Variants in ZNF600 observed in about 807,000 individuals in gnomAD.
ZNF600 encodes the protein zinc finger protein KR-ZNF1.
Under a neutral mutation model 7.3 loss-of-function variants are expected in ZNF600, and 4 were observed. The observed-to-expected ratio is 0.55, with a 90% CI of 0.27 to 1.25. The LOEUF is 1.25. ZNF600 is among the 50% of genes most tolerant of loss of function. The pLI, the probability that ZNF600 is intolerant of heterozygous loss-of-function variation, is 0.12. For missense variants in ZNF600, 911 were observed against 922.1 expected, an observed-to-expected ratio of 0.99 and a Z score of 0.16; for synonymous variants, 290 against 308.9, an observed-to-expected ratio of 0.94 and a Z score of 0.64.
At chr19:52,811,726 C>A in the ZNF600 span, among the ~76,000 whole-genome samples, 1 of 149,802 alleles carries the variant, frequency 6.7e-6, no homozygotes, top group Non-Finnish European at 1.5e-5. Context: ...TGAGGAGCGT[C>A]TCCGCCCGGC....
At chr19:52,789,606 G>C (rs2062786389), upstream of ZNF600, among the ~76,000 whole-genome samples, 1 of 152,168 alleles carries the variant, frequency 6.6e-6, no homozygotes, top group Non-Finnish European at 1.5e-5. Flanking sequence ...ACAGAGTCCA[G>C]CCAGGGAGGC....
At chr19:52,805,031 G>A in the ZNF600 span, 1 of 152,168 alleles carries the variant, frequency 6.6e-6, no homozygotes, top group East Asian at 1.9e-4. Flanking sequence ...CATTTTGGGA[G>A]GCTGAGGTGG....
At chr19:52,816,315 T>C in the ZNF600 span, among the ~76,000 whole-genome samples, 5 of 146,528 alleles carry the variant, frequency 3.4e-5, no homozygotes, top group African/African-American at 1.3e-4. Context: ...GGTTAGGAGT[T>C]CGAGGCCAGC....
chr19:52,787,891 A>T (rs1304448444), upstream of ZNF600, among the ~76,000 whole-genome samples: 1 of 50,582 alleles, frequency 2.0e-5, no homozygotes, highest in Non-Finnish European at 8.0e-5. Context: ...AAAGAAAAAG[A>T]AATATCTCCC....
intron 3 of ZNF600, among the ~76,000 whole-genome samples, chr19:52,769,466 GC>G (rs1378074415): frequency 6.6e-6 from 1 of 152,084 alleles, no homozygotes; most frequent in African/African-American, 2.4e-5. Context: ...GAAGGGAAGG[GC>G]CCCCTGTCTA....
intron 2 of ZNF600, among the ~76,000 whole-genome samples, chr19:52,777,505 C>A (rs547244065): frequency 6.6e-6 from 1 of 152,248 alleles, no homozygotes; most frequent in South Asian, 2.1e-4. Flanking sequence ...TGCACCACTG[C>A]ACTCCAGCCT....
rs367604585 is a variant in ZNF600 at position 52,765,978 on chromosome 19, C to T, written c.1985G>A (p.Arg662His). ...GGTATGTCTTGCCAGGTATGAATTA[C>T]GCACGAAAGCCTTGTCACAAACCGT... The change falls in exon 4 of 4, where the codon CGT becomes CAT. Residue 662 changes from arginine (R) to histidine (H), a missense_variant. Transcript: ENST00000648973. 51 of 1,614,136 alleles carry T rather than the reference C, an allele frequency of 3.2e-5. No homozygotes were observed. Among genetic ancestry groups the T allele is most frequent in the East Asian group, 1.3e-4 (6 of 44,876 alleles).
chr19:52,766,262 G>A, exon 4 of ZNF600: 1 of 1,614,140 alleles, frequency 6.2e-7, no homozygotes, highest in Non-Finnish European at 8.5e-7. Context: ...CATTACACTT[G>A]TAAGGTTTCT....
chr19:52,829,111 G>A, the ZNF600 span, among the ~76,000 whole-genome samples: 8 of 152,144 alleles, frequency 5.3e-5, no homozygotes, highest in South Asian at 2.1e-4. Flanking sequence ...TGATTCACCC[G>A]CCTCGGCCTC....
chr19:52,800,609 T>A, the ZNF600 span: 1 of 1,613,848 alleles, frequency 6.2e-7, no homozygotes, highest in Non-Finnish European at 8.5e-7. Flanking sequence ...AAACCTTACA[T>A]TTGTATGGTT....
At chr19:52,785,144 C>T (rs930443890) in intron 1 of ZNF600, among the ~76,000 whole-genome samples, 1 of 151,886 alleles carries the variant, frequency 6.6e-6, no homozygotes, top group African/African-American at 2.4e-5. Context: ...GGATTGTGCT[C>T]CTCATTTTGT....
chr19:52,773,884 G>T (rs1216842457), intron 3 of ZNF600, among the ~76,000 whole-genome samples: 2 of 150,602 alleles, frequency 1.3e-5, no homozygotes, highest in African/African-American at 4.9e-5. Context: ...AAAAAAAGAA[G>T]AAACTATAAC....
the ZNF600 span, chr19:52,801,334 C>G: frequency 6.2e-7 from 1 of 1,614,098 alleles, no homozygotes; most frequent in Non-Finnish European, 8.5e-7. Context: ...ACTGAGGAAG[C>G]ATTGTTGATA....
the ZNF600 span, among the ~76,000 whole-genome samples, chr19:52,791,903 G>A: frequency 8.6e-3 from 1,317 of 152,284 alleles, 11 homozygotes; most frequent in South Asian, 0.019. Flanking sequence ...CCTCTCTGTG[G>A]ATCACAGGCT....
At chr19:52,793,766 A>C in the ZNF600 span, among the ~76,000 whole-genome samples, 319 of 1,316 alleles carry the variant, frequency 0.24, no homozygotes, top group African/African-American at 0.42. Flanking sequence ...AAACTCTGCC[A>C]CACACACACA....
chr19:52,822,332 C>G, the ZNF600 span, among the ~76,000 whole-genome samples: 1 of 151,976 alleles, frequency 6.6e-6, no homozygotes, highest in African/African-American at 2.4e-5. Flanking sequence ...TTGGCCTCCC[C>G]AAGTGCTGGG....
chr19:52,779,385 T>C (rs965760627), intron 1 of ZNF600, among the ~76,000 whole-genome samples: 6 of 152,184 alleles, frequency 3.9e-5, no homozygotes, highest in Admixed American at 3.9e-4. Flanking sequence ...AAAGCTCTAT[T>C]TGAAAAATGC....
intron 3 of ZNF600, among the ~76,000 whole-genome samples, chr19:52,771,251 G>A (rs573148627): frequency 6.6e-6 from 1 of 152,270 alleles, no homozygotes; most frequent in East Asian, 1.9e-4. Context: ...CTCTCACCAG[G>A]AGCCAATCTA....
At chr19:52,769,539 C>T (rs1218278343) in intron 3 of ZNF600, among the ~76,000 whole-genome samples, 2 of 152,148 alleles carry the variant, frequency 1.3e-5, no homozygotes, top group African/African-American at 2.4e-5. Context: ...CCTTACCCTG[C>T]CCCTTTGTCT....
Sources: gnomAD v4.1 joint callset for allele counts (sites outside exome capture counted in the v4.1 genomes callset) on GRCh38, gnomAD v4.1.1 for gene constraint, MANE v1.5 for transcripts, NCBI Gene and HGNC (gene_info 2026-07-23, HGNC 2026-07-21) for gene names.